LRMDA: variants seen among roughly 807,000 people sequenced by gnomAD.
The protein encoded by LRMDA is leucine-rich melanocyte differentiation-associated protein.
A neutral mutation model predicts 29.8 loss-of-function variants in LRMDA; 18 were observed. That is an observed-to-expected ratio of 0.60 (90% CI 0.42 to 0.90). The LOEUF (loss-of-function observed/expected upper bound fraction) is 0.90. Ranked by LOEUF, LRMDA falls within the 40% of genes least tolerant of loss-of-function variation. The pLI, the probability that LRMDA is intolerant of heterozygous loss-of-function variation, is 0.00. For synonymous variants in LRMDA, 125 were observed against 109.4 expected, an observed-to-expected ratio of 1.14 and a Z score of -0.89; for missense variants, 273 against 273.9, an observed-to-expected ratio of 1.00 and a Z score of 0.02.
intron 6 of LRMDA, among the ~76,000 whole-genome samples, chr10:76,541,611 A>T (rs1843356655): frequency 6.6e-6 from 1 of 152,200 alleles, no homozygotes; most frequent in Non-Finnish European, 1.5e-5. Flanking sequence ...GAAGATGTTC[A>T]CATAATGCTA....
At chr10:75,448,499 C>G (rs973183378) in intron 2 of LRMDA, among the ~76,000 whole-genome samples, 3 of 152,176 alleles carry the variant, frequency 2.0e-5, no homozygotes, top group Non-Finnish European at 4.4e-5. Context: ...GAGAATTTAA[C>G]CCTTTCAGAC....
chr10:76,402,104 G>C (rs1429332550), intron 6 of LRMDA: 1 of 152,250 alleles, frequency 6.6e-6, no homozygotes, highest in Non-Finnish European at 1.5e-5. Flanking sequence ...AAGATGATGA[G>C]GGAACCGTTG....
At chr10:75,772,220 A>T (rs1332210621) in intron 2 of LRMDA, among the ~76,000 whole-genome samples, 1 of 152,186 alleles carries the variant, frequency 6.6e-6, no homozygotes, top group African/African-American at 2.4e-5. Context: ...TTTATTGTGC[A>T]ATCATTAAAG....
At chr10:76,012,230 T>C (rs1002931449) in intron 2 of LRMDA, among the ~76,000 whole-genome samples, 3 of 152,230 alleles carry the variant, frequency 2.0e-5, no homozygotes, top group African/African-American at 7.2e-5. Context: ...GATGGACCAC[T>C]GTCTTCCAAC....
At chr10:75,571,297 A>AT (rs1177540409) in intron 2 of LRMDA, among the ~76,000 whole-genome samples, 1 of 152,220 alleles carries the variant, frequency 6.6e-6, no homozygotes, top group Non-Finnish European at 1.5e-5. Flanking sequence ...TTAGGTTAAC[A>AT]TAAGGTTCTT....
chr10:76,017,028 A>G, intron 2 of LRMDA, among the ~76,000 whole-genome samples: 1 of 152,228 alleles, frequency 6.6e-6, no homozygotes, highest in Non-Finnish European at 1.5e-5. Flanking sequence ...AGTACCTCAG[A>G]AGGTGACCTT....
intron 2 of LRMDA, among the ~76,000 whole-genome samples, chr10:75,770,222 T>C (rs1452371097): frequency 6.6e-6 from 1 of 152,030 alleles, no homozygotes; most frequent in Non-Finnish European, 1.5e-5. Flanking sequence ...GCCTGGGAGT[T>C]TGAGGTGGCA....
intron 2 of LRMDA, among the ~76,000 whole-genome samples, chr10:75,684,027 T>C (rs918621194): frequency 1.3e-5 from 2 of 152,208 alleles, no homozygotes; most frequent in African/African-American, 4.8e-5. Flanking sequence ...CCTTGGAAGA[T>C]CTTTGGAGAT....
At chr10:76,038,227 A>C (rs1382062837) in intron 3 of LRMDA, among the ~76,000 whole-genome samples, 2 of 152,136 alleles carry the variant, frequency 1.3e-5, no homozygotes, top group Non-Finnish European at 2.9e-5. Context: ...TCTTTTTCTC[A>C]TTTTTAAAGA....
intron 2 of LRMDA, among the ~76,000 whole-genome samples, chr10:75,893,216 C>T (rs951731028): frequency 1.3e-5 from 2 of 152,108 alleles, no homozygotes; most frequent in Non-Finnish European, 2.9e-5. Flanking sequence ...TGCCAGTTGA[C>T]CCCCTAAAGA....
At chr10:75,759,010 A>C (rs1254075625) in intron 2 of LRMDA, among the ~76,000 whole-genome samples, 1 of 151,434 alleles carries the variant, frequency 6.6e-6, no homozygotes, top group Non-Finnish European at 1.5e-5. Context: ...ATTTACACCT[A>C]TGGGTTTAGA....
intron 6 of LRMDA, among the ~76,000 whole-genome samples, chr10:76,431,337 T>C (rs1842189010): frequency 6.6e-6 from 1 of 152,164 alleles, no homozygotes; most frequent in African/African-American, 2.4e-5. Context: ...CTTTGCTGAC[T>C]GCACAGTTTG....
intron 6 of LRMDA, among the ~76,000 whole-genome samples, chr10:76,439,327 A>T (rs1412409333): frequency 1.3e-5 from 2 of 152,156 alleles, no homozygotes; most frequent in Non-Finnish European, 2.9e-5. Context: ...TTAAATGTCT[A>T]CCATCAGCTT....
intron 2 of LRMDA, among the ~76,000 whole-genome samples, chr10:75,856,569 C>G (rs916588959): frequency 6.6e-6 from 1 of 152,188 alleles, no homozygotes; most frequent in Non-Finnish European, 1.5e-5. Flanking sequence ...TAAACAGAAG[C>G]AATGACAAAC....
chr10:75,715,376 T>C (rs1284964290), intron 2 of LRMDA, among the ~76,000 whole-genome samples: 1 of 152,140 alleles, frequency 6.6e-6, no homozygotes, highest in Non-Finnish European at 1.5e-5. Flanking sequence ...GATCAAAAAC[T>C]TCTGAATAAA....
chr10:76,352,868 G>C (rs909193547), intron 6 of LRMDA, among the ~76,000 whole-genome samples: 1 of 152,108 alleles, frequency 6.6e-6, no homozygotes, highest in Non-Finnish European at 1.5e-5. Context: ...ATGGGAGGAT[G>C]TTCTTAGACA....
Position 75,672,865 on chromosome 10 carries a change from C to T in LRMDA, c.131+234371C>T, listed in dbSNP as rs867561341. ...GGGGTTACAGGCTTGAACCACTGCGCCCAACCCTTTGTATTGTTTCCTTCC... is the reference window on the plus strand; with the variant it reads ...GGGGTTACAGGCTTGAACCACTGCGTCCAACCCTTTGTATTGTTTCCTTCC... On this transcript the variant is annotated intron_variant, in intron 2 of 6. Transcript: ENST00000611255. Among the ~76,000 whole-genome samples, 7 of 151,630 alleles carry T rather than the reference C, an allele frequency of 4.6e-5. No individual in the cohort carries two copies. The South Asian group carries it at 1.5e-3, about 32-fold the overall frequency.
chr10:76,114,616 G>C (rs1849636227), intron 5 of LRMDA, among the ~76,000 whole-genome samples: 1 of 152,174 alleles, frequency 6.6e-6, no homozygotes. Flanking sequence ...AGTTTACATA[G>C]GTAGGAGAGT....
chr10:75,996,932 C>T (rs576774352), intron 2 of LRMDA, among the ~76,000 whole-genome samples: 25 of 152,146 alleles, frequency 1.6e-4, no homozygotes, highest in African/African-American at 5.8e-4. Flanking sequence ...CGGGGTTTCA[C>T]CGTGTTAGCC....
Sources: allele counts gnomAD v4.1 joint callset (sites outside exome capture counted in the v4.1 genomes callset), GRCh38; gene constraint gnomAD v4.1.1; transcripts MANE v1.5; gene names NCBI Gene and HGNC (gene_info 2026-07-23, HGNC 2026-07-21).